CACNA1C: variants seen among roughly 807,000 people sequenced by gnomAD.
CACNA1C encodes calcium voltage-gated channel subunit alpha1 C.
CACNA1C carries 30 observed loss-of-function variants against 229.0 expected under a neutral mutation model. The ratio of observed to expected loss-of-function variants is 0.13; its 90% CI spans 0.10 to 0.18. The LOEUF (loss-of-function observed/expected upper bound fraction) is 0.18. Ranked by LOEUF, CACNA1C falls within the 10% of genes least tolerant of loss-of-function variation. The probability of loss-of-function intolerance (pLI) is 1.00; values close to 1 mark genes in which losing one functional copy is unlikely to be tolerated. For missense variants in CACNA1C, 1,658 were observed against 2,845.0 expected, an observed-to-expected ratio of 0.58 and a Z score of 9.49; for synonymous variants, 1,114 against 1,132.5, an observed-to-expected ratio of 0.98 and a Z score of 0.33.
chr12:2,290,794 G>A (rs1269178010), intron 3 of CACNA1C, among the ~76,000 whole-genome samples: 3 of 152,194 alleles, frequency 2.0e-5, no homozygotes, highest in African/African-American at 7.2e-5. Context: ...CTCTGGAGGG[G>A]AGGTAGGTCT....
At chr12:2,660,557 G>A (rs2095657408) in intron 34 of CACNA1C, 1 of 152,120 alleles carries the variant, frequency 6.6e-6, no homozygotes, top group Non-Finnish European at 1.5e-5. Context: ...CCGGTGCGGT[G>A]GCTCACACCT....
chr12:2,391,707 C>A (rs2098482908), intron 3 of CACNA1C, among the ~76,000 whole-genome samples: 1 of 152,162 alleles, frequency 6.6e-6, no homozygotes, highest in African/African-American at 2.4e-5. Flanking sequence ...GAAAGTATTT[C>A]TTTTCAGGTT....
At chr12:2,683,014 T>C (rs1468480062) in intron 43 of CACNA1C, among the ~76,000 whole-genome samples, 1 of 151,702 alleles carries the variant, frequency 6.6e-6, no homozygotes, top group African/African-American at 2.4e-5. Context: ...AAATATATTT[T>C]CTGGTGAGAC....
chr12:2,532,300 G>C (rs1310669958), intron 9 of CACNA1C, among the ~76,000 whole-genome samples: 3 of 152,108 alleles, frequency 2.0e-5, no homozygotes, highest in Admixed American at 2.0e-4. Flanking sequence ...TCTGGCCCAG[G>C]CAGGCATCAG....
chr12:2,325,497 G>C (rs1441094952), intron 3 of CACNA1C, among the ~76,000 whole-genome samples: 2 of 152,224 alleles, frequency 1.3e-5, no homozygotes, highest in Non-Finnish European at 2.9e-5. Flanking sequence ...ATCGGCTGTA[G>C]AGTTACATAT....
At position 2,620,527 on chromosome 12, in the gene CACNA1C, C is replaced by T. The variant is rs1316883972; in HGVS notation, c.3828+8514C>T. ...GAAAGTGTTCACTCCACTCCTGTGTCCTGCCACCTTCTCTGAGGCCCCTTG... is the reference window on the plus strand; with the variant it reads ...GAAAGTGTTCACTCCACTCCTGTGTTCTGCCACCTTCTCTGAGGCCCCTTG... On this transcript the variant is annotated intron_variant, in intron 29 of 46. Coordinates refer to ENST00000399655, the MANE Select transcript of CACNA1C (RefSeq NM_000719.7). Among the ~76,000 whole-genome samples, 3 of 152,352 alleles carry T rather than the reference C, an allele frequency of 2.0e-5. No individual in the cohort carries two copies. The East Asian group carries it at 5.8e-4, about 29-fold the overall frequency.
intron 3 of CACNA1C, among the ~76,000 whole-genome samples, chr12:2,158,056 C>T (rs566243643): frequency 6.6e-6 from 1 of 152,226 alleles, no homozygotes; most frequent in South Asian, 2.1e-4. Flanking sequence ...GACCATTAGA[C>T]AGTCCAGGAA....
intron 1 of CACNA1C, among the ~76,000 whole-genome samples, chr12:2,110,783 A>G (rs2081338801): frequency 6.6e-6 from 1 of 152,172 alleles, no homozygotes; most frequent in African/African-American, 2.4e-5. Context: ...AGGATTATAG[A>G]ACGTTTCCAT....
Position 2,695,673 on chromosome 12 carries a change from G to C in CACNA1C, c.*4474G>C, listed in dbSNP as rs1400567888. 1 of 152,260 alleles carries C rather than the reference G, an allele frequency of 6.6e-6. No homozygotes were observed. Among genetic ancestry groups the C allele is most frequent in the East Asian group, 1.9e-4 (1 of 5,200 alleles). The allele number at this position is 152,260 out of a possible 1,614,324, so 9.4% of individuals were successfully genotyped here. On this transcript the variant is annotated 3_prime_UTR_variant, in exon 47 of 47. Coordinates refer to ENST00000399655, the MANE Select transcript of CACNA1C (RefSeq NM_000719.7). ...CTGCCCTCCCCAGCCCCAGCTCCCT[G>C]TCCTCCCCAACACCTAGTGAGAAAG... is the stretch of plus-strand genomic sequence containing the variant.
intron 9 of CACNA1C, among the ~76,000 whole-genome samples, chr12:2,545,033 CT>C (rs2099878472): frequency 6.6e-6 from 1 of 152,112 alleles, no homozygotes; most frequent in Non-Finnish European, 1.5e-5. Context: ...TGATCATGAC[CT>C]TTTTTGGTGT....
intron 3 of CACNA1C, among the ~76,000 whole-genome samples, chr12:2,187,071 AAC>A (rs1385182423): frequency 3.1e-4 from 47 of 151,916 alleles, no homozygotes; most frequent in African/African-American, 9.7e-4. Context: ...AGCAGAGTCA[AAC>A]ACACAGACTC....
chr12:2,535,198 G>A (rs1476295314), intron 9 of CACNA1C, among the ~76,000 whole-genome samples: 1 of 150,620 alleles, frequency 6.6e-6, no homozygotes, highest in Non-Finnish European at 1.5e-5. Context: ...GACCATCCTG[G>A]CTAACACAGT....
chr12:2,578,221 T>C (rs957822503), intron 13 of CACNA1C, among the ~76,000 whole-genome samples: 3 of 152,044 alleles, frequency 2.0e-5, no homozygotes. Context: ...CCAGGGGAGA[T>C]GTGAGGCCTG....
At chr12:2,336,629 A>G (rs184097170) in intron 3 of CACNA1C, among the ~76,000 whole-genome samples, 8 of 152,300 alleles carry the variant, frequency 5.3e-5, no homozygotes, top group African/African-American at 1.7e-4. Context: ...ATAGGAACCT[A>G]TTGCCCTTCC....
intron 29 of CACNA1C, among the ~76,000 whole-genome samples, chr12:2,627,050 C>T (rs572894832): frequency 1.3e-5 from 2 of 152,240 alleles, no homozygotes; most frequent in African/African-American, 4.8e-5. Context: ...AGGAGAGCAG[C>T]CCCCCTCGCC....
At chr12:2,417,080 T>C (rs1351183282) in intron 3 of CACNA1C, among the ~76,000 whole-genome samples, 1 of 152,234 alleles carries the variant, frequency 6.6e-6, no homozygotes, top group Non-Finnish European at 1.5e-5. Flanking sequence ...CAGTCACTTC[T>C]ATACAATGTG....
At chr12:2,592,279 T>C (rs1274866074) in intron 18 of CACNA1C, among the ~76,000 whole-genome samples, 1 of 152,190 alleles carries the variant, frequency 6.6e-6, no homozygotes, top group Non-Finnish European at 1.5e-5. Context: ...AACACTTACT[T>C]ACAGAGCGGC....
intron 3 of CACNA1C, among the ~76,000 whole-genome samples, chr12:2,404,264 C>T (rs764350771): frequency 1.4e-4 from 21 of 152,164 alleles, no homozygotes; most frequent in South Asian, 4.2e-4. Flanking sequence ...GAGCCCCTGG[C>T]CTTTTCCTCA....
intron 6 of CACNA1C, among the ~76,000 whole-genome samples, chr12:2,492,391 A>G (rs547600327): frequency 5.9e-5 from 9 of 152,224 alleles, no homozygotes; most frequent in Admixed American, 4.6e-4. Flanking sequence ...CCTATTATTC[A>G]CTGCCGCTCT....
Sources: gnomAD v4.1 joint callset for allele counts (sites outside exome capture counted in the v4.1 genomes callset) on GRCh38, gnomAD v4.1.1 for gene constraint, MANE v1.5 for transcripts, NCBI Gene and HGNC (gene_info 2026-07-23, HGNC 2026-07-21) for gene names.